Variants in ZNF682 observed in about 807,000 individuals in gnomAD.
ZNF682 encodes zinc finger protein 682.
In ZNF682, 29 loss-of-function variants were observed where a neutral mutation model predicts 36.5. The ratio of observed to expected loss-of-function variants is 0.80; its 90% CI spans 0.59 to 1.08. The LOEUF is 1.08. Among genes scored for constraint, ZNF682 ranks in the 50% least tolerant of loss-of-function variants. The pLI is 0.00. For synonymous variants in ZNF682, 180 were observed against 197.0 expected (o/e 0.91, Z 0.72); for missense variants, 561 against 579.7 (o/e 0.97, Z 0.33).
Position 20,004,961 on chromosome 19 carries a change from T to C in ZNF682, c.*1044A>G, listed in dbSNP as rs1269384086. 1 of 152,268 alleles carries C rather than the reference T, an allele frequency of 6.6e-6. No homozygotes were observed. Among genetic ancestry groups the C allele is most frequent in the Admixed American group, 6.5e-5 (1 of 15,286 alleles). 9.4% of individuals were successfully genotyped at this position (152,268 alleles called of 1,614,324 possible). A position where few individuals can be genotyped will look rare whatever the true frequency, so the allele number is the denominator to read the frequency against. ...ATCAATGCCCTGATTTAGAATAACA[T>C]TGAAAGTGTTAGCGTCTTAGTGGTT... On this transcript the variant is annotated 3_prime_UTR_variant, in exon 4 of 4. Transcript: ENST00000397165.
At position 20,039,490 on chromosome 19, in the gene ZNF682, G is replaced by A. The variant is rs2088565296; in HGVS notation, c.-145C>T. The A allele has an allele frequency of 8.7e-7, 1 of 1,154,314 alleles. No homozygotes were observed. Among genetic ancestry groups the A allele is most frequent in the Admixed American group, 2.4e-5 (1 of 41,790 alleles). The allele number at this position is 1,154,314 out of a possible 1,614,324, so 71.5% of individuals were successfully genotyped here. ...TGAAGATGGACCCTGAGCTCTGGCT[G>A]GAGCGAGACAAAGGCCCCGCCAGCT... On this transcript the variant is annotated 5_prime_UTR_variant, in exon 1 of 4. Transcript: ENST00000397165.
At chr19:20,032,380 A>G (rs559272985) in intron 1 of ZNF682, among the ~76,000 whole-genome samples, 1 of 152,306 alleles carries the variant, frequency 6.6e-6, no homozygotes, top group Admixed American at 6.5e-5. Flanking sequence ...GGACATTGAA[A>G]GAGGTGGAAT....
downstream of ZNF682, among the ~76,000 whole-genome samples, chr19:20,001,268 G>A (rs1034330666): frequency 1.3e-5 from 2 of 152,198 alleles, no homozygotes; most frequent in African/African-American, 4.8e-5. Flanking sequence ...TGCAGCTTCA[G>A]TCCTACAGAA....
intron 3 of ZNF682, among the ~76,000 whole-genome samples, chr19:19,999,166 T>TG (rs762704431): frequency 7.9e-5 from 12 of 152,178 alleles, no homozygotes; most frequent in Non-Finnish European, 1.6e-4. Context: ...TGATCCCACA[T>TG]TTCCAACCCC....
At chr19:20,018,213 C>T (rs566090173) in intron 3 of ZNF682, among the ~76,000 whole-genome samples, 2 of 149,496 alleles carry the variant, frequency 1.3e-5, no homozygotes, top group South Asian at 4.2e-4. Context: ...CCCGCCTCAG[C>T]CTCCCAAGTA....
rs535239359 is a variant in ZNF682, at chr19:20,004,943, C to T, written c.*1062G>A. 3.3e-5 allele frequency: 5 copies of T among 152,240 alleles called. No homozygotes were observed. Among genetic ancestry groups the T allele is most frequent in the African/African-American group, 1.2e-4 (5 of 41,528 alleles). The allele number at this position is 152,240 out of a possible 1,614,324, so 9.4% of individuals were successfully genotyped here. A position where few individuals can be genotyped will look rare whatever the true frequency, so the allele number is the denominator to read the frequency against. Reference sequence around the variant, plus strand: ...CTTGAATTACTCTTTATAATCAATGCCCTGATTTAGAATAACATTGAAAGT... The same window carrying T: ...CTTGAATTACTCTTTATAATCAATGTCCTGATTTAGAATAACATTGAAAGT... On this transcript the variant is annotated 3_prime_UTR_variant, in exon 4 of 4. Transcript: ENST00000397165.
At chr19:20,020,942 T>G (rs1170020818) in intron 3 of ZNF682, among the ~76,000 whole-genome samples, 1 of 120,874 alleles carries the variant, frequency 8.3e-6, no homozygotes, top group Non-Finnish European at 1.7e-5. Flanking sequence ...AATGAGTATA[T>G]ACTTCCAGTC....
intron 3 of ZNF682, among the ~76,000 whole-genome samples, chr19:20,008,529 C>A (rs377011138): frequency 1.3e-5 from 2 of 152,174 alleles, no homozygotes; most frequent in Non-Finnish European, 2.9e-5. Context: ...GTTCCATCCT[C>A]GAGCCATGGC....
intron 1 of ZNF682, chr19:20,039,062 C>G: frequency 8.5e-7 from 1 of 1,177,968 alleles, no homozygotes; most frequent in Non-Finnish European, 1.1e-6. Context: ...CCATTGTCCC[C>G]GCAGTCGGGG....
chr19:20,011,071 C>T lies in ZNF682; in HGVS notation c.227-3796G>A, dbSNP rs961098802. On this transcript the variant is annotated intron_variant, in intron 3 of 3. Transcript: ENST00000397165. ...TGCTGACTTCGAGAAACTCACCTCA[C>T]GTATAATGACACCCATAAACTCAAA... Among the ~76,000 whole-genome samples, 24 of 151,774 alleles carry T rather than the reference C, an allele frequency of 1.6e-4. 1 individual carries two copies. The highest frequency in any genetic ancestry group is 6.6e-4 in the Admixed American group (10 of 15,238).
chr19:20,023,390 G>A (rs1320651852), intron 2 of ZNF682, among the ~76,000 whole-genome samples: 1 of 151,798 alleles, frequency 6.6e-6, no homozygotes, highest in Non-Finnish European at 1.5e-5. Flanking sequence ...CCAGCTGCTT[G>A]GGAGGCTGAG....
At chr19:20,022,457 C>T (rs1166867066) in intron 3 of ZNF682, among the ~76,000 whole-genome samples, 2 of 151,952 alleles carry the variant, frequency 1.3e-5, no homozygotes, top group African/African-American at 2.4e-5. Context: ...CACCTGAGGT[C>T]GTGGGTTCAA....
chr19:19,996,553 C>CCA (rs1319247962), downstream of ZNF682, among the ~76,000 whole-genome samples: 1 of 152,030 alleles, frequency 6.6e-6, no homozygotes, highest in African/African-American at 2.4e-5. Context: ...GAGTTGGAGA[C>CCA]CATTATTTTA....
chr19:20,027,747 G>A (rs557907569), intron 1 of ZNF682, among the ~76,000 whole-genome samples: 3 of 146,092 alleles, frequency 2.1e-5, no homozygotes, highest in South Asian at 2.2e-4. Flanking sequence ...CAACAAGAGC[G>A]AAACTCCATC....
intron 1 of ZNF682, among the ~76,000 whole-genome samples, chr19:20,028,711 G>A (rs2088453460): frequency 6.6e-6 from 1 of 152,156 alleles, no homozygotes; most frequent in Non-Finnish European, 1.5e-5. Flanking sequence ...AAAACATGGC[G>A]TTCTCTGTTG....
chr19:20,009,129 CAG>C (rs2088258409), intron 3 of ZNF682, among the ~76,000 whole-genome samples: 1 of 152,186 alleles, frequency 6.6e-6, no homozygotes. Flanking sequence ...TACAGAAAGC[CAG>C]AGTGTTTCGT....
Position 20,005,315 on chromosome 19 carries a change from G to C in ZNF682, c.*690C>G, listed in dbSNP as rs1209517610. 6.6e-6 allele frequency: 1 copy of C among 151,984 alleles called. No homozygotes were observed. The highest frequency in any genetic ancestry group is 1.5e-5 in the Non-Finnish European group (1 of 68,000). The allele number at this position is 151,984 out of a possible 1,614,324, so 9.4% of individuals were successfully genotyped here. On this transcript the variant is annotated 3_prime_UTR_variant, in exon 4 of 4. Coordinates refer to ENST00000397165, the MANE Select transcript of ZNF682 (RefSeq NM_033196.3). The stretch of plus-strand genomic sequence containing the variant: ...CCTGACCTCGTGATCCGCCTGCCTC[G>C]GCCTCCCAAAGTGCTGGGATTATAA...
At chr19:20,037,935 G>T (rs1236532952) in intron 1 of ZNF682, among the ~76,000 whole-genome samples, 1 of 152,232 alleles carries the variant, frequency 6.6e-6, no homozygotes, top group African/African-American at 2.4e-5. Context: ...ACTCCACAGA[G>T]AGGCCACATT....
intron 3 of ZNF682, among the ~76,000 whole-genome samples, chr19:20,016,913 C>T (rs576736161): frequency 3.3e-5 from 5 of 152,026 alleles, no homozygotes; most frequent in South Asian, 2.1e-4. Flanking sequence ...TTAATAGATA[C>T]GCAATACGAA....
Sources: allele counts gnomAD v4.1 joint callset (sites outside exome capture counted in the v4.1 genomes callset), GRCh38; gene constraint gnomAD v4.1.1; transcripts MANE v1.5; gene names NCBI Gene and HGNC (gene_info 2026-07-23, HGNC 2026-07-21).